SNTG1: variants seen among roughly 807,000 people sequenced by gnomAD.
SNTG1 encodes syntrophin gamma 1.
SNTG1 carries 39 observed loss-of-function variants against 74.7 expected under a neutral mutation model. The observed-to-expected ratio is 0.52, with a 90% CI of 0.40 to 0.68. The LOEUF (loss-of-function observed/expected upper bound fraction) is 0.68. SNTG1 is among the 30% of genes least tolerant of loss of function. The pLI, the probability that SNTG1 is intolerant of heterozygous loss-of-function variation, is 0.00. For synonymous variants in SNTG1, 254 were observed against 217.1 expected, an observed-to-expected ratio of 1.17 and a Z score of -1.49; for missense variants, 685 against 609.5, an observed-to-expected ratio of 1.12 and a Z score of -1.30.
At chr8:50,633,100 A>G (rs2095013801) in intron 13 of SNTG1, among the ~76,000 whole-genome samples, 1 of 152,224 alleles carries the variant, frequency 6.6e-6, no homozygotes, top group Non-Finnish European at 1.5e-5. Flanking sequence ...AGTAATAAAT[A>G]TATTGATCAA....
intron 1 of SNTG1, among the ~76,000 whole-genome samples, chr8:50,076,562 C>T (rs956875846): frequency 1.3e-4 from 20 of 151,976 alleles, no homozygotes; most frequent in African/African-American, 4.3e-4. Flanking sequence ...GAGATAGAAG[C>T]TAATATATAT....
chr8:49,932,545 T>A (rs907210672), intron 1 of SNTG1, among the ~76,000 whole-genome samples: 1 of 149,402 alleles, frequency 6.7e-6, no homozygotes. Flanking sequence ...ATTATGTCTT[T>A]AAAAAAAAAA....
intron 18 of SNTG1, among the ~76,000 whole-genome samples, chr8:50,758,191 C>T (rs1051283602): frequency 1.3e-5 from 2 of 151,774 alleles, no homozygotes; most frequent in East Asian, 1.9e-4. Flanking sequence ...GTATATTAAT[C>T]ATAGTTGTTT....
At chr8:50,021,938 C>CAAA (rs776073608) in intron 1 of SNTG1, among the ~76,000 whole-genome samples, 1 of 119,592 alleles carries the variant, frequency 8.4e-6, no homozygotes, top group Non-Finnish European at 1.7e-5. Flanking sequence ...GAGACCCTCT[C>CAAA]AAAAAAAAAA....
At chr8:50,411,139 T>C (rs2092942865) in intron 4 of SNTG1, among the ~76,000 whole-genome samples, 1 of 152,018 alleles carries the variant, frequency 6.6e-6, no homozygotes, top group South Asian at 2.1e-4. Flanking sequence ...ACATTCCAAA[T>C]GTGTGCAAAT....
At chr8:50,560,720 T>C (rs1356990871) in intron 12 of SNTG1, among the ~76,000 whole-genome samples, 1 of 151,860 alleles carries the variant, frequency 6.6e-6, no homozygotes, top group Non-Finnish European at 1.5e-5. Flanking sequence ...CTGGTTGTTG[T>C]TGGAGGGGAG....
At chr8:50,287,043 T>C (rs57869622) in intron 2 of SNTG1, among the ~76,000 whole-genome samples, 10,584 of 152,230 alleles carry the variant, frequency 0.07, 412 homozygotes, top group African/African-American at 0.085. Flanking sequence ...CTCCTTGCCA[T>C]GTGCTGACCA....
intron 1 of SNTG1, among the ~76,000 whole-genome samples, chr8:50,073,035 G>T (rs532856097): frequency 1.3e-5 from 2 of 152,276 alleles, no homozygotes; most frequent in South Asian, 4.1e-4. Context: ...AGGCTGGGGT[G>T]GGTGGGGCAA....
chr8:50,688,743 A>G (rs902619688), intron 15 of SNTG1, among the ~76,000 whole-genome samples: 1 of 151,978 alleles, frequency 6.6e-6, no homozygotes, highest in Non-Finnish European at 1.5e-5. Flanking sequence ...AATGCGGGCT[A>G]TTTTTTGGTT....
intron 1 of SNTG1, among the ~76,000 whole-genome samples, chr8:50,149,786 G>A (rs970066024): frequency 6.6e-6 from 1 of 152,126 alleles, no homozygotes; most frequent in African/African-American, 2.4e-5. Flanking sequence ...TGCTGTTTTG[G>A]TCACTGTAGC....
At chr8:50,598,361 T>C (rs2094746302) in intron 13 of SNTG1, among the ~76,000 whole-genome samples, 1 of 151,986 alleles carries the variant, frequency 6.6e-6, no homozygotes, top group Admixed American at 6.6e-5. Flanking sequence ...CTTTCCCTAA[T>C]ATGTGTTCTT....
intron 13 of SNTG1, among the ~76,000 whole-genome samples, chr8:50,629,875 T>A (rs2094984205): frequency 6.6e-6 from 1 of 152,198 alleles, no homozygotes; most frequent in South Asian, 2.1e-4. Flanking sequence ...AATTGTCTGA[T>A]GAATTTAGCT....
intron 2 of SNTG1, among the ~76,000 whole-genome samples, chr8:50,334,835 T>A (rs1242561721): frequency 6.6e-6 from 1 of 152,206 alleles, no homozygotes; most frequent in Non-Finnish European, 1.5e-5. Flanking sequence ...AAGGGTGTTT[T>A]TCTAACCTCT....
intron 8 of SNTG1, among the ~76,000 whole-genome samples, chr8:50,454,299 A>T (rs1295929509): frequency 6.6e-6 from 1 of 151,122 alleles, no homozygotes; most frequent in Non-Finnish European, 1.5e-5. Flanking sequence ...GTTCAAGACC[A>T]GCCTGACCAA....
intron 18 of SNTG1, among the ~76,000 whole-genome samples, chr8:50,759,179 G>T (rs972182291): frequency 6.6e-5 from 10 of 151,844 alleles, no homozygotes; most frequent in Non-Finnish European, 8.8e-5. Context: ...TCATAAATTT[G>T]TTTAAGTTCT....
chr8:50,102,669 T>C (rs1207914802), intron 1 of SNTG1, among the ~76,000 whole-genome samples: 4,545 of 145,332 alleles, frequency 0.031, 258 homozygotes, highest in African/African-American at 0.12. Context: ...CCTAGGTTTT[T>C]TTCTAGGGTT....
intron 1 of SNTG1, among the ~76,000 whole-genome samples, chr8:49,972,026 A>C (rs1430403004): frequency 6.6e-6 from 1 of 152,204 alleles, no homozygotes; most frequent in Non-Finnish European, 1.5e-5. Flanking sequence ...TTTCAAGTTC[A>C]TGTGGAACCA....
chr8:50,664,004 C>T (rs936743490), intron 15 of SNTG1, among the ~76,000 whole-genome samples: 2 of 152,070 alleles, frequency 1.3e-5, no homozygotes, highest in Non-Finnish European at 2.9e-5. Context: ...ATCTTGTCCC[C>T]GAACTCTAAG....
Position 50,001,860 on chromosome 8 carries a change from T to C in SNTG1, c.-103+89629T>C, listed in dbSNP as rs541119323. 1.3e-3 allele frequency among the ~76,000 whole-genome samples: 196 copies of C among 152,282 alleles called. 1 individual carries two copies. The highest frequency in any genetic ancestry group is 2.4e-3 in the Non-Finnish European group (160 of 68,026). ...CACAAATATCAGTGTATTTGATTTA[T>C]ACAACCTTCTTAGGAAGAAGACAGG... On this transcript the variant is annotated intron_variant, in intron 1 of 18. Transcript: ENST00000642720.
Sources: allele counts gnomAD v4.1 joint callset (sites outside exome capture counted in the v4.1 genomes callset), GRCh38; gene constraint gnomAD v4.1.1; transcripts MANE v1.5; gene names NCBI Gene and HGNC (gene_info 2026-07-23, HGNC 2026-07-21).